USP34: variants seen among roughly 807,000 people sequenced by gnomAD.
USP34 encodes ubiquitin specific peptidase 34.
USP34 carries 70 observed loss-of-function variants against 460.3 expected under a neutral mutation model. The ratio of observed to expected loss-of-function variants is 0.15; its 90% CI spans 0.13 to 0.19. USP34 has a LOEUF of 0.19. USP34 is among the 10% of genes least tolerant of loss of function. USP34 has a pLI of 1.00. For missense variants in USP34, 3,985 were observed against 4,236.2 expected (o/e 0.94, Z 1.65); for synonymous variants, 1,647 against 1,405.3 (o/e 1.17, Z -3.85).
In USP34 at chr2:61,445,258, G is replaced by A. The variant is rs111721254; in HGVS notation, c.44-24425C>T. Among the ~76,000 whole-genome samples the A allele has an allele frequency of 6.3e-3, 914 of 145,096 alleles. 13 individuals carry two copies. Among genetic ancestry groups the A allele is most frequent in the African/African-American group, 0.019 (752 of 38,944 alleles). ...AAAAAAAAAAAAAAAAATGCTGGCC[G>A]GGCCCGGTGGCTCACACCTGTAATC... On this transcript the variant is annotated intron_variant, in intron 1 of 79. Coordinates refer to ENST00000398571, the MANE Select transcript of USP34 (RefSeq NM_014709.4).
chr2:61,316,965 A>G (rs1690770015), intron 23 of USP34, among the ~76,000 whole-genome samples: 1 of 152,204 alleles, frequency 6.6e-6, no homozygotes, highest in Non-Finnish European at 1.5e-5. Flanking sequence ...GCTAAGAGAT[A>G]CAAGTATTCT....
intron 10 of USP34, among the ~76,000 whole-genome samples, chr2:61,351,996 G>A (rs906016310): frequency 6.6e-6 from 1 of 152,108 alleles, no homozygotes; most frequent in Non-Finnish European, 1.5e-5. Flanking sequence ...TGCAAGTTAA[G>A]TATCCCCTAT....
rs1163548232 is a variant in USP34 at position 61,350,669 on chromosome 2, G to A, written c.1276C>T (p.His426Tyr). 6.2e-7 allele frequency: 1 copy of A among 1,612,068 alleles called. No individual in the cohort carries two copies. The highest frequency in any genetic ancestry group is 2.2e-5 in the East Asian group (1 of 44,820). Residue 426 changes from histidine (H) to tyrosine (Y), a missense_variant, in exon 11 of 80, where the codon CAT (histidine) becomes TAT (tyrosine). Physicochemically the swap from His to Tyr is moderately conservative, Grantham distance 83. Coordinates refer to ENST00000398571, the MANE Select transcript of USP34 (RefSeq NM_014709.4). ...TTGATGAGTGAAGGAAATAAGTCAT[G>A]TATATACCGACTACAATGTTTCAAC... ...AQLKHCSRYI[H>Y]DLFPSLIKNL... is the part of the protein sequence containing the mutation.
chr2:61,403,756 A>G (rs1240090138), intron 3 of USP34, among the ~76,000 whole-genome samples: 1 of 151,906 alleles, frequency 6.6e-6, no homozygotes, highest in Non-Finnish European at 1.5e-5. Flanking sequence ...GGGAGGCAGA[A>G]GCGGGCGGAT....
chr2:61,421,142 C>T (rs80133637), intron 1 of USP34, among the ~76,000 whole-genome samples: 1 of 152,154 alleles, frequency 6.6e-6, no homozygotes, highest in Non-Finnish European at 1.5e-5. Context: ...TCATTTCCAG[C>T]TGTCTTCCTG....
intron 1 of USP34, among the ~76,000 whole-genome samples, chr2:61,467,836 T>C (rs930248745): frequency 1.3e-5 from 2 of 152,070 alleles, no homozygotes; most frequent in African/African-American, 4.8e-5. Context: ...TTGGCCAGGC[T>C]GGTCTCGAGC....
intron 10 of USP34, among the ~76,000 whole-genome samples, chr2:61,356,690 GA>G (rs1692118243): frequency 6.6e-6 from 1 of 152,178 alleles, no homozygotes; most frequent in South Asian, 2.1e-4. Flanking sequence ...AAGTAGAATA[GA>G]GGTTACAACC....
rs1042143237 is a variant in USP34 at position 61,348,601 on chromosome 2, T to C, written c.1675-121A>G. On this transcript the variant is annotated intron_variant, in intron 14 of 79. Coordinates refer to ENST00000398571, the MANE Select transcript of USP34 (RefSeq NM_014709.4). ...AGTCTTGTTATACTCCTTTGAACAA[T>C]ACAAAATGGAATTAAAAACTCAAAG... The C allele has an allele frequency of 3.5e-6, 5 of 1,443,616 alleles. No individual in the cohort carries two copies. In the African/African-American group the frequency reaches 5.8e-5, roughly 17 times the overall value. 89.4% of individuals were successfully genotyped at this position (1,443,616 alleles called of 1,614,324 possible). A position where few individuals can be genotyped will look rare whatever the true frequency, so the allele number is the denominator to read the frequency against.
At chr2:61,384,375 A>T (rs1008434186) in intron 5 of USP34, among the ~76,000 whole-genome samples, 1 of 152,184 alleles carries the variant, frequency 6.6e-6, no homozygotes, top group Non-Finnish European at 1.5e-5. Flanking sequence ...AGGAGATACA[A>T]ATTAAAAAAT....
At chr2:61,315,080 G>T (rs1300034607) in intron 23 of USP34, 106 bp from the exon 24 acceptor site, 2 of 708,358 alleles carry the variant, frequency 2.8e-6, no homozygotes, top group Non-Finnish European at 4.5e-6. Flanking sequence ...CTATTATTCA[G>T]CTATTAAATA....
At chr2:61,378,904 CAAAAAAACGAAAA>C (rs1352179418) in intron 7 of USP34, among the ~76,000 whole-genome samples, 1 of 13,206 alleles carries the variant, frequency 7.6e-5, no homozygotes, top group East Asian at 3.5e-3. Context: ...GAGTCCATCT[CAAAAAAACGAAAA>C]AAAAAAAAAA....
intron 1 of USP34, among the ~76,000 whole-genome samples, chr2:61,438,388 G>A (rs998275897): frequency 1.3e-5 from 2 of 152,024 alleles, no homozygotes; most frequent in South Asian, 2.1e-4. Flanking sequence ...CAAGGCAGGC[G>A]GATCACTTGA....
chr2:61,288,722 A>C lies in USP34; in HGVS notation c.4704T>G (p.Ala1568=), dbSNP rs776604544. 6.2e-7 allele frequency: 1 copy of C among 1,614,090 alleles called. No homozygotes were observed. Among genetic ancestry groups the C allele is most frequent in the Non-Finnish European group, 8.5e-7 (1 of 1,179,956 alleles). Residue 1568 remains alanine (A), a synonymous_variant, in exon 34 of 80, where the codon GCT becomes GCG. Coordinates refer to ENST00000398571, the MANE Select transcript of USP34 (RefSeq NM_014709.4). Reference sequence around the variant, plus strand: ...GAAGACCCTTAGCATGATCACCAGCAGCCTTCCTTGATTTGCCAGGCCAGG... The same window carrying C: ...GAAGACCCTTAGCATGATCACCAGCCGCCTTCCTTGATTTGCCAGGCCAGG... The part of the protein sequence containing the change: ...KRTWPGKSRK[A]AGDHAKGLHI...
chr2:61,463,463 G>T (rs1251950528), intron 1 of USP34, among the ~76,000 whole-genome samples: 1 of 152,034 alleles, frequency 6.6e-6, no homozygotes, highest in Non-Finnish European at 1.5e-5. Flanking sequence ...ATAAAACACG[G>T]TCAGTAATTT....
At position 61,278,258 on chromosome 2, in the gene USP34, A is replaced by G; in HGVS notation, c.5340T>C (p.Gly1780=). Reference sequence around the variant, plus strand: ...CTGTAAGCCCATCATCTTCTACATTACCATCCTGATGATCAAGGATCTCCC... The same window carrying G: ...CTGTAAGCCCATCATCTTCTACATTGCCATCCTGATGATCAAGGATCTCCC... ...RSREILDHQD[G]NVEDDGLTGL... The change falls in exon 41 of 80, where the codon GGT becomes GGC. Residue 1780 remains glycine, a synonymous_variant. Coordinates refer to ENST00000398571, the MANE Select transcript of USP34 (RefSeq NM_014709.4). The G allele has an allele frequency of 6.2e-7, 1 of 1,613,732 alleles. No homozygotes were observed. The highest frequency in any genetic ancestry group is 1.7e-4 in the Middle Eastern group (1 of 6,058).
intron 23 of USP34, among the ~76,000 whole-genome samples, chr2:61,315,938 G>A (rs1336176311): frequency 1.3e-5 from 2 of 151,476 alleles, no homozygotes; most frequent in Non-Finnish European, 2.9e-5. Flanking sequence ...AGTGGCTCAC[G>A]CCTCTAATTG....
intron 1 of USP34, among the ~76,000 whole-genome samples, chr2:61,463,254 G>T (rs1337783304): frequency 6.6e-6 from 1 of 152,046 alleles, no homozygotes; most frequent in Non-Finnish European, 1.5e-5. Context: ...CTTGAGCCCA[G>T]GAGCTTGAGG....
At chr2:61,415,412 T>A (rs561774640) in intron 2 of USP34, among the ~76,000 whole-genome samples, 1 of 152,174 alleles carries the variant, frequency 6.6e-6, no homozygotes, top group Non-Finnish European at 1.5e-5. Flanking sequence ...GAGAACTTTT[T>A]TGGCTCATTG....
rs750440857 is a variant in USP34, at chr2:61,347,962, C to T, written c.2193G>A (p.Gly731=). ...SCITRTGDFL[G]ETIGNELFNC... is the part of the protein sequence containing the mutation. ...TAAATAATTCATTCCCAATAGTCTC[C>T]CCAAGGAAGTCCCCAGTTCGTGTGA... Residue 731 remains glycine (G), a synonymous_variant, in exon 15 of 80, where the codon GGG becomes GGA. Coordinates refer to ENST00000398571, the MANE Select transcript of USP34 (RefSeq NM_014709.4). 3.1e-6 allele frequency: 5 copies of T among 1,614,024 alleles called. No homozygotes were observed. The highest frequency in any genetic ancestry group is 3.4e-6 in the Non-Finnish European group (4 of 1,180,000).
Sources: allele counts gnomAD v4.1 joint callset (sites outside exome capture counted in the v4.1 genomes callset), GRCh38; gene constraint gnomAD v4.1.1; transcripts MANE v1.5; gene names NCBI Gene and HGNC (gene_info 2026-07-23, HGNC 2026-07-21).